Variants in EPB41L2 observed in about 807,000 individuals in gnomAD.
EPB41L2 encodes the protein band 4.1-like protein 2.
In EPB41L2, 43 loss-of-function variants were observed where a neutral mutation model predicts 113.0. The observed-to-expected ratio is 0.38, with a 90% confidence interval of 0.30 to 0.49. The LOEUF (loss-of-function observed/expected upper bound fraction) is 0.49. Among genes scored for constraint, EPB41L2 ranks in the 20% least tolerant of loss-of-function variants. EPB41L2 has a pLI of 0.95. For synonymous variants in EPB41L2, 442 were observed against 436.7 expected, an observed-to-expected ratio of 1.01 and a Z score of -0.15; for missense variants, 1,147 against 1,223.4, an observed-to-expected ratio of 0.94 and a Z score of 0.93.
chr6:130,884,723 T>TA lies in EPB41L2; in HGVS notation c.1833+372dup, dbSNP rs544625895. Among the ~76,000 whole-genome samples the TA allele has an allele frequency of 1.5e-3, 229 of 152,304 alleles. 1 individual carries two copies. Among genetic ancestry groups the TA allele is most frequent in the African/African-American group, 3.8e-3 (159 of 41,556 alleles). ...TTCATAAAGATTATCTTTGGTGATG[T>TA]AAAAAAATTCAAGTCAATAATTAAA... is the stretch of plus-strand genomic sequence containing the variant. On this transcript the variant is annotated intron_variant, in intron 12 of 19. Coordinates refer to ENST00000337057, the MANE Select transcript of EPB41L2 (RefSeq NM_001431.4).
chr6:130,900,177 G>A (rs991422773), intron 7 of EPB41L2, among the ~76,000 whole-genome samples: 1 of 152,078 alleles, frequency 6.6e-6, no homozygotes, highest in African/African-American at 2.4e-5. Flanking sequence ...TACAACAAAT[G>A]TCTATTGAGT....
At chr6:131,050,477 A>G (rs1038660887) in intron 1 of EPB41L2, among the ~76,000 whole-genome samples, 1 of 152,238 alleles carries the variant, frequency 6.6e-6, no homozygotes, top group African/African-American at 2.4e-5. Context: ...CCCACTGGGC[A>G]ACCAACTTAA....
intron 1 of EPB41L2, among the ~76,000 whole-genome samples, chr6:130,975,942 C>A (rs1387952755): frequency 6.6e-6 from 1 of 152,178 alleles, no homozygotes; most frequent in Non-Finnish European, 1.5e-5. Context: ...GCAGGAGAAT[C>A]ACTTGAGCCT....
intron 1 of EPB41L2, among the ~76,000 whole-genome samples, chr6:130,975,651 C>G (rs917876047): frequency 2.3e-4 from 35 of 152,120 alleles, no homozygotes; most frequent in Non-Finnish European, 3.7e-4. Flanking sequence ...ATCATCTATC[C>G]TACTAAGAAA....
At chr6:130,913,798 T>C (rs928572651) in intron 4 of EPB41L2, among the ~76,000 whole-genome samples, 1 of 152,138 alleles carries the variant, frequency 6.6e-6, no homozygotes, top group African/African-American at 2.4e-5. Flanking sequence ...AACAAAACTT[T>C]TAAATAAATA....
chr6:130,842,170 G>C (rs1775722641), intron 19 of EPB41L2, among the ~76,000 whole-genome samples: 1 of 152,110 alleles, frequency 6.6e-6, no homozygotes, highest in Non-Finnish European at 1.5e-5. Flanking sequence ...ATTTATCACA[G>C]ATAATATTAA....
chr6:130,967,072 T>C (rs144736485), intron 1 of EPB41L2, among the ~76,000 whole-genome samples: 92 of 152,196 alleles, frequency 6.0e-4, no homozygotes, highest in African/African-American at 2.0e-3. Flanking sequence ...AGTGTATCAG[T>C]TCTTCATTTA....
intron 15 of EPB41L2, chr6:130,868,507 G>A (rs1256221942): frequency 1.3e-5 from 2 of 152,186 alleles, no homozygotes; most frequent in African/African-American, 4.8e-5. Context: ...ATTATTTAAA[G>A]AGGAGTAACG....
chr6:130,914,823 G>A (rs1583400771), intron 4 of EPB41L2, among the ~76,000 whole-genome samples: 1 of 152,178 alleles, frequency 6.6e-6, no homozygotes, highest in East Asian at 1.9e-4. Flanking sequence ...ACTCAATTCA[G>A]TATTCTCCTT....
chr6:131,053,373 C>G (rs1796949224), intron 1 of EPB41L2, among the ~76,000 whole-genome samples: 1 of 138,112 alleles, frequency 7.2e-6, no homozygotes, highest in African/African-American at 2.7e-5. Context: ...ACAACAGTTA[C>G]TACTGTTACT....
rs141474422 is a variant in EPB41L2, at chr6:130,966,754, T to A, written c.-14-10255A>T. On this transcript the variant is annotated intron_variant, in intron 1 of 19. Coordinates refer to ENST00000337057, the MANE Select transcript of EPB41L2 (RefSeq NM_001431.4). ...AGTGAACCCAGCTTGGTTAGCCAGC[T>A]TCCTTGGAGACAACACGTGCCAATA... Among the ~76,000 whole-genome samples, 703 of 152,284 alleles carry A rather than the reference T, an allele frequency of 4.6e-3. 4 individuals carry two copies. The highest frequency in any genetic ancestry group is 7.7e-3 in the Non-Finnish European group (524 of 68,022).
intron 15 of EPB41L2, chr6:130,868,489 C>G (rs1187588816): frequency 6.6e-6 from 1 of 152,168 alleles, no homozygotes; most frequent in Non-Finnish European, 1.5e-5. Context: ...ACATTCTCAA[C>G]AGGCATAATT....
At chr6:130,911,599 A>C (rs1475550064) in intron 4 of EPB41L2, among the ~76,000 whole-genome samples, 1 of 152,150 alleles carries the variant, frequency 6.6e-6, no homozygotes, top group Non-Finnish European at 1.5e-5. Flanking sequence ...ACAAAAAAGA[A>C]AGCTTTAAAA....
chr6:130,883,346 T>C (rs944516002), intron 12 of EPB41L2, among the ~76,000 whole-genome samples: 5 of 152,208 alleles, frequency 3.3e-5, no homozygotes, highest in African/African-American at 1.2e-4. Context: ...AAATGACCCA[T>C]TTTTAAAGAG....
intron 1 of EPB41L2, among the ~76,000 whole-genome samples, chr6:131,026,127 T>C (rs1790806717): frequency 6.6e-6 from 1 of 152,192 alleles, no homozygotes; most frequent in African/African-American, 2.4e-5. Context: ...CTAGCAAGAA[T>C]AGCCTTATTG....
At chr6:130,857,042 T>A (rs1213977519) in intron 19 of EPB41L2, among the ~76,000 whole-genome samples, 3 of 152,210 alleles carry the variant, frequency 2.0e-5, no homozygotes, top group Non-Finnish European at 4.4e-5. Context: ...TATTTGTATA[T>A]ATTTCTGATT....
chr6:130,915,352 G>C (rs1800693304), intron 4 of EPB41L2, among the ~76,000 whole-genome samples: 1 of 152,188 alleles, frequency 6.6e-6, no homozygotes, highest in Non-Finnish European at 1.5e-5. Context: ...ACATGAAATT[G>C]GGAGGTAATG....
chr6:131,060,116 C>T (rs1179240998), intron 1 of EPB41L2, among the ~76,000 whole-genome samples: 4 of 152,164 alleles, frequency 2.6e-5, no homozygotes, highest in Non-Finnish European at 2.9e-5. Context: ...GAAAAAGGCC[C>T]ATGTCTTCAG....
intron 3 of EPB41L2, among the ~76,000 whole-genome samples, chr6:130,928,350 T>TA (rs1211966049): frequency 2.0e-5 from 3 of 152,172 alleles, no homozygotes; most frequent in African/African-American, 7.2e-5. Flanking sequence ...GCAAGACACT[T>TA]AACGTCTGCT....
Sources: allele counts gnomAD v4.1 joint callset (sites outside exome capture counted in the v4.1 genomes callset), GRCh38; gene constraint gnomAD v4.1.1; transcripts MANE v1.5; gene names NCBI Gene and HGNC (gene_info 2026-07-23, HGNC 2026-07-21).